LCN15: variants seen among roughly 807,000 people sequenced by gnomAD.
The protein encoded by LCN15 is lipocalin-15.
In LCN15, 26 loss-of-function variants were observed where a neutral mutation model predicts 23.1. The observed-to-expected ratio is 1.13, with a 90% confidence interval of 0.82 to 1.56. The LOEUF (loss-of-function observed/expected upper bound fraction) is 1.56, where lower values mean the gene tolerates loss of function less well. Among genes scored for constraint, LCN15 ranks in the 40% most tolerant of loss-of-function variants. The pLI is 0.00. For synonymous variants in LCN15, 107 were observed against 98.3 expected (o/e 1.09, Z -0.52); for missense variants, 241 against 239.5 (o/e 1.01, Z -0.04).
rs1306373601 is a variant in LCN15, at chr9:136,764,392, C to G, written c.96+1G>C. ...CACAGGACAGCAGAGGCCCCTGGTA[C>G]CTTTTCAGCATTGAAGTCAGGCTGC... On this transcript the variant is annotated splice_donor_variant, in intron 1 of 6. Transcript: ENST00000316144. LOFTEE classifies it high-confidence loss of function. 1.2e-6 allele frequency: 2 copies of G among 1,612,692 alleles called. No individual in the cohort carries two copies. Among genetic ancestry groups the G allele is most frequent in the South Asian group, 2.2e-5 (2 of 90,998 alleles).
intron 3 of LCN15, 118 bp from the exon 4 acceptor site, chr9:136,763,585 G>C: frequency 8.1e-7 from 1 of 1,234,044 alleles, no homozygotes; most frequent in Admixed American, 2.0e-5. Flanking sequence ...ACAGAGGAGG[G>C]GCGGGGAGGG....
At chr9:136,764,036 C>T in intron 1 of LCN15, 27 bp from the exon 2 acceptor site, 1 of 1,605,544 alleles carries the variant, frequency 6.2e-7, no homozygotes, top group East Asian at 2.2e-5. Flanking sequence ...CACCCGCAGG[C>T]CAGGACAGCC....
intron 4 of LCN15, among the ~76,000 whole-genome samples, chr9:136,762,928 A>AAG (rs1847335952): frequency 6.8e-6 from 1 of 147,744 alleles, no homozygotes; most frequent in Non-Finnish European, 1.5e-5. Context: ...ATATTAAAAA[A>AAG]AAAAAAAAAA....
chr9:136,762,342 G>C (rs1847329602), intron 4 of LCN15, 53 bp from the exon 5 acceptor site: 4 of 1,040,758 alleles, frequency 3.8e-6, no homozygotes, highest in Middle Eastern at 2.0e-4. Context: ...AGTGCAGCAC[G>C]GGGTCTCCTG....
At position 136,761,648 on chromosome 9, in the gene LCN15, T is replaced by A. The variant is rs1286339908; in HGVS notation, c.*32+139A>T. 2.4e-6 allele frequency: 1 copy of A among 410,870 alleles called. No individual in the cohort carries two copies. Among genetic ancestry groups the A allele is most frequent in the Non-Finnish European group, 4.2e-6 (1 of 235,646 alleles). 25.5% of individuals were successfully genotyped at this position (410,870 alleles called of 1,614,324 possible). On this transcript the variant is annotated intron_variant, in intron 6 of 6. Coordinates refer to ENST00000316144, the MANE Select transcript of LCN15 (RefSeq NM_203347.2). This position sits in a 1 kb window ranked among gnomAD's most constrained non-coding sequence, Gnocchi z 4.2. ...AAGGGAGGCTTCCTGGAAGAGGTAATGTCTAAGCTGAGGCCTGAAGCATGG... is the reference window on the plus strand; with the variant it reads ...AAGGGAGGCTTCCTGGAAGAGGTAAAGTCTAAGCTGAGGCCTGAAGCATGG...
At chr9:136,762,067 T>C in intron 5 of LCN15, 121 bp downstream of exon 5, 4 of 770,616 alleles carry the variant, frequency 5.2e-6, no homozygotes, top group East Asian at 2.9e-5. Context: ...AGCCCACCCC[T>C]GGAAGAGAAG....
Position 136,764,374 on chromosome 9 carries a change from C to G in LCN15, c.96+19G>C. On this transcript the variant is annotated intron_variant, in intron 1 of 6. Coordinates refer to ENST00000316144, the MANE Select transcript of LCN15 (RefSeq NM_203347.2). ...GGCCCAGCTCCCACCCACCACAGGACAGCAGAGGCCCCTGGTACCTTTTCA... is the reference window on the plus strand; with the variant it reads ...GGCCCAGCTCCCACCCACCACAGGAGAGCAGAGGCCCCTGGTACCTTTTCA... 6.2e-7 allele frequency: 1 copy of G among 1,607,388 alleles called. No individual in the cohort carries two copies. The highest frequency in any genetic ancestry group is 1.1e-5 in the South Asian group (1 of 90,646).
In LCN15 at chr9:136,763,385, C is replaced by G. The variant is rs997319708; in HGVS notation, c.390G>C (p.Gly130=). 3 of 1,601,974 alleles carry G rather than the reference C, an allele frequency of 1.9e-6. No individual in the cohort carries two copies. The highest frequency in any genetic ancestry group is 2.6e-6 in the Non-Finnish European group (3 of 1,174,514). ...AGAGCTGCACCATGGTGCTGAGGGC[C>G]CCCTCCAGCTCCTTGTAGATGTAAA... is the stretch of plus-strand genomic sequence containing the variant. ...AVLYIYKELE[G]ALSTMVQLYS... The change falls in exon 4 of 7, where the codon GGG becomes GGC. Residue 130 remains glycine, a synonymous_variant. Transcript: ENST00000316144.
At chr9:136,762,795 C>G (rs573005544) in intron 4 of LCN15, among the ~76,000 whole-genome samples, 9 of 151,850 alleles carry the variant, frequency 5.9e-5, no homozygotes, top group Non-Finnish European at 1.2e-4. Flanking sequence ...TGGTGATGGG[C>G]GCCTGTAGTC....
In LCN15 at chr9:136,763,379, G is replaced by A. The variant is rs1321453461; in HGVS notation, c.396C>T (p.Leu132=). ...CACTGTAGAGCTGCACCATGGTGCT[G>A]AGGGCCCCCTCCAGCTCCTTGTAGA... is the stretch of plus-strand genomic sequence containing the variant. ...LYIYKELEGA[L]STMVQLYSRT... Residue 132 remains leucine, a synonymous_variant, in exon 4 of 7, where the codon CTC becomes CTT. Coordinates refer to ENST00000316144, the MANE Select transcript of LCN15 (RefSeq NM_203347.2). 1.3e-6 allele frequency: 2 copies of A among 1,596,828 alleles called. No individual in the cohort carries two copies. The highest frequency in any genetic ancestry group is 1.1e-5 in the South Asian group (1 of 89,190).
chr9:136,761,593 G>A lies in LCN15; in HGVS notation c.*32+194C>T, dbSNP rs976700245. On this transcript the variant is annotated intron_variant, in intron 6 of 6. Transcript: ENST00000316144. The surrounding 1 kb of genome is among the most constrained non-coding windows in gnomAD (Gnocchi z 4.2). ...TGCTGTTTTAAGTCGCCCCATTTGT[G>A]GTACTCTGTGATGGGTACCTTAGGA... Among the ~76,000 whole-genome samples, 1 of 152,188 alleles carries A rather than the reference G, an allele frequency of 6.6e-6. No homozygotes were observed. Among genetic ancestry groups the A allele is most frequent in the South Asian group, 2.1e-4 (1 of 4,828 alleles).
intron 4 of LCN15, among the ~76,000 whole-genome samples, chr9:136,762,904 C>G (rs1167001734): frequency 7.8e-6 from 1 of 127,800 alleles, no homozygotes; most frequent in Non-Finnish European, 1.6e-5. Flanking sequence ...GCCTGGGCGA[C>G]AGAGTGAGAC....
rs1847311726 is a variant in LCN15, at chr9:136,761,059, A to G, written c.*32+728T>C. 6.6e-6 allele frequency among the ~76,000 whole-genome samples: 1 copy of G among 152,094 alleles called. No individual in the cohort carries two copies. The highest frequency in any genetic ancestry group is 1.5e-5 in the Non-Finnish European group (1 of 68,006). On this transcript the variant is annotated intron_variant, in intron 6 of 6. Transcript: ENST00000316144. The surrounding 1 kb of genome is among the most constrained non-coding windows in gnomAD (Gnocchi z 4.2). ...GTTTGGACACAGATGCACAGAAGGA[A>G]GGTGGCTGTGGGAGGACGGAGGCGG...
rs1847343848 is a variant in LCN15 at position 136,763,431 on chromosome 9, T to A, written c.344A>T (p.Asp115Val). The part of the protein sequence containing the change: ...GYLDVRIVDT[D>V]YSSFAVLYIY... ...GTAAAGGACGGCGAAGGAGCTGTAG[T>A]CTGTGTCCACGATGCGCACGTCCAG... The change falls in exon 4 of 7, where the codon GAC becomes GTC. Residue 115 changes from aspartate to valine, a missense_variant. By Grantham distance (152) the Asp-to-Val change is radical (BLOSUM62 -3). Coordinates refer to ENST00000316144, the MANE Select transcript of LCN15 (RefSeq NM_203347.2). 1 of 1,609,866 alleles carries A rather than the reference T, an allele frequency of 6.2e-7. No homozygotes were observed. Among genetic ancestry groups the A allele is most frequent in the Non-Finnish European group, 8.5e-7 (1 of 1,178,630 alleles).
intron 4 of LCN15, among the ~76,000 whole-genome samples, chr9:136,762,812 T>A (rs1847334186): frequency 6.6e-6 from 1 of 150,900 alleles, no homozygotes; most frequent in Admixed American, 6.6e-5. Flanking sequence ...AGTCCCAGCT[T>A]ATCGGGGGGC....
Position 136,760,645 on chromosome 9 carries a change from G to T in LCN15, c.*33-862C>A, listed in dbSNP as rs549180586. Among the ~76,000 whole-genome samples, 11 of 152,344 alleles carry T rather than the reference G, an allele frequency of 7.2e-5. No individual in the cohort carries two copies. The South Asian group carries it at 1.4e-3, about 20-fold the overall frequency. On this transcript the variant is annotated intron_variant, in intron 6 of 6. Coordinates refer to ENST00000316144, the MANE Select transcript of LCN15 (RefSeq NM_203347.2). ...AGCGGTCTCCCGGCGTCTGGTTTAGGGGGGGATCTCCGCAAGACCCCGCCC... is the reference window on the plus strand; with the variant it reads ...AGCGGTCTCCCGGCGTCTGGTTTAGTGGGGGATCTCCGCAAGACCCCGCCC...
At chr9:136,763,250 G>A (rs1423782417) in intron 4 of LCN15, 107 bp downstream of exon 4, 3 of 633,460 alleles carry the variant, frequency 4.7e-6, no homozygotes, top group Admixed American at 3.1e-5. Flanking sequence ...GGGCCTGTGA[G>A]GAGGCGCGGG....
At position 136,764,028 on chromosome 9, in the gene LCN15, C is replaced by T. The variant is rs752828240; in HGVS notation, c.97-19G>A. On this transcript the variant is annotated intron_variant, in intron 1 of 6. Coordinates refer to ENST00000316144, the MANE Select transcript of LCN15 (RefSeq NM_203347.2). ...CTGAGAACTGCCGGGGGCTTAGTCACCCGCAGGCCAGGACAGCCAGCAGCA... is the reference window on the plus strand; with the variant it reads ...CTGAGAACTGCCGGGGGCTTAGTCATCCGCAGGCCAGGACAGCCAGCAGCA... The T allele has an allele frequency of 6.2e-6, 10 of 1,610,112 alleles. No homozygotes were observed. In the Admixed American group the frequency reaches 8.3e-5, roughly 13 times the overall value.
Position 136,761,825 on chromosome 9 carries a change from C to A in LCN15, c.549G>T (p.Ala183=). Residue 183 remains alanine, a synonymous_variant, in exon 6 of 7, where the codon GCG becomes GCT. Coordinates refer to ENST00000316144, the MANE Select transcript of LCN15 (RefSeq NM_203347.2). The surrounding 1 kb of genome is among the most constrained non-coding windows in gnomAD (Gnocchi z 4.2). ...SDACNPESKE[A]P ...GGGTGGGGCTCCGGAGGTGTCAGGGCGCCTCCTTGCTCTCAGGGTTGCATG... is the reference window on the plus strand; with the variant it reads ...GGGTGGGGCTCCGGAGGTGTCAGGGAGCCTCCTTGCTCTCAGGGTTGCATG... 2 of 1,300,368 alleles carry A rather than the reference C, an allele frequency of 1.5e-6. No homozygotes were observed. Among genetic ancestry groups the A allele is most frequent in the Admixed American group, 3.7e-5 (1 of 27,214 alleles). 80.6% of individuals were successfully genotyped at this position (1,300,368 alleles called of 1,614,324 possible).
Sources: gnomAD v4.1 joint callset for allele counts (sites outside exome capture counted in the v4.1 genomes callset) on GRCh38, gnomAD v4.1.1 for gene constraint, Gnocchi (gnomAD v3.1) non-coding constraint, MANE v1.5 for transcripts, NCBI Gene and HGNC (gene_info 2026-07-23, HGNC 2026-07-21) for gene names.